The following DIS3L variants were observed in gnomAD, a reference collection of about 807,000 sequenced individuals.
DIS3L encodes the protein DIS3 like exosome 3'-5' exoribonuclease, also known as DIS3-like exonuclease 1.
A neutral mutation model predicts 120.3 loss-of-function variants in DIS3L; 100 were observed. That is an observed-to-expected ratio of 0.83 (90% confidence interval 0.71 to 0.98). The LOEUF (loss-of-function observed/expected upper bound fraction) is 0.98. Among genes scored for constraint, DIS3L ranks in the 50% least tolerant of loss-of-function variants. The pLI, the probability that DIS3L is intolerant of heterozygous loss-of-function variation, is 0.00. For synonymous variants in DIS3L, 426 were observed against 470.6 expected (o/e 0.91, Z 1.23); for missense variants, 1,196 against 1,314.2 (o/e 0.91, Z 1.39).
At chr15:66,299,370 C>T (rs1420262815) in intron 2 of DIS3L, among the ~76,000 whole-genome samples, 1 of 151,938 alleles carries the variant, frequency 6.6e-6, no homozygotes, top group Non-Finnish European at 1.5e-5. Flanking sequence ...ATGGTGAAGC[C>T]CCATCACTAC....
rs547248920 is a variant in DIS3L at position 66,331,625 on chromosome 15, A to G, written c.2536-250A>G. 236 of 297,008 alleles carry G rather than the reference A, an allele frequency of 7.9e-4. 1 individual carries two copies. Among genetic ancestry groups the G allele is most frequent in the African/African-American group, 4.7e-3 (218 of 45,938 alleles). 18.4% of individuals were successfully genotyped at this position (297,008 alleles called of 1,614,324 possible). On this transcript the variant is annotated intron_variant, in intron 14 of 16. Transcript: ENST00000319212. ...CTGTACCCAAGGTGAACATGACCCA[A>G]ATTTGCTGATCTCTAATTTCATGAA...
chr15:66,305,461 A>G (rs1225651596), intron 2 of DIS3L, among the ~76,000 whole-genome samples: 1 of 152,158 alleles, frequency 6.6e-6, no homozygotes, highest in African/African-American at 2.4e-5. Flanking sequence ...TGTGGAAGGA[A>G]GGGTACAAAT....
At chr15:66,295,498 G>A (rs538709188) in intron 2 of DIS3L, among the ~76,000 whole-genome samples, 67 of 152,176 alleles carry the variant, frequency 4.4e-4, no homozygotes, top group Admixed American at 1.4e-3. Context: ...CATTGTTTCA[G>A]AAGCATACGT....
At chr15:66,306,990 C>T in intron 3 of DIS3L, 38 bp downstream of exon 3, 2 of 1,608,262 alleles carry the variant, frequency 1.2e-6, no homozygotes, top group South Asian at 2.2e-5. Context: ...ACACTGTCGT[C>T]TTCTTTCATT....
rs547915454 is a variant in DIS3L at position 66,298,103 on chromosome 15, C to T, written c.293+2962C>T. 2.2e-5 allele frequency among the ~76,000 whole-genome samples: 3 copies of T among 134,530 alleles called. No individual in the cohort carries two copies. In the South Asian group the frequency reaches 7.3e-4, roughly 33 times the overall value. The allele number at this position is 134,530 out of a possible 152,430, so 88.3% of individuals were successfully genotyped here. On this transcript the variant is annotated intron_variant, in intron 2 of 16. Coordinates refer to ENST00000319212, the MANE Select transcript of DIS3L (RefSeq NM_001143688.3). ...CGGAGGCAGGAAAATCGCTTGAACCCGGGAGGCGGAGGTTGTGGTGAGCCG... is the reference window on the plus strand; with the variant it reads ...CGGAGGCAGGAAAATCGCTTGAACCTGGGAGGCGGAGGTTGTGGTGAGCCG...
In DIS3L at chr15:66,333,481, A is replaced by G; in HGVS notation, c.*169A>G. ...CACGGTGGCTCACGCCTGTAACCCC[A>G]GCACTTTGGGAGGCTGAGGCGGGCG... On this transcript the variant is annotated 3_prime_UTR_variant, in exon 17 of 17. Transcript: ENST00000319212. The G allele has an allele frequency of 1.5e-6, 1 of 648,064 alleles. No individual in the cohort carries two copies. The highest frequency in any genetic ancestry group is 2.4e-6 in the Non-Finnish European group (1 of 410,486). 40.1% of individuals were successfully genotyped at this position (648,064 alleles called of 1,614,324 possible).
chr15:66,318,579 C>T lies in DIS3L; in HGVS notation c.1125C>T (p.Pro375=). 5 of 1,613,966 alleles carry T rather than the reference C, an allele frequency of 3.1e-6. No individual in the cohort carries two copies. Among genetic ancestry groups the T allele is most frequent in the Non-Finnish European group, 4.2e-6 (5 of 1,180,016 alleles). ...TTACACCTTGGGATTACAGAATTCC[C>T]AAAATTCGAATTAGCACTCAGCAAG... ...ILVTPWDYRI[P]KIRISTQQAE... is the part of the protein sequence containing the mutation. The change falls in exon 8 of 17, where the codon CCC becomes CCT. Residue 375 remains proline, a synonymous_variant. Transcript: ENST00000319212.
At position 66,293,718 on chromosome 15, in the gene DIS3L, C is replaced by G; in HGVS notation, c.122C>G (p.Pro41Arg). Residue 41 changes from proline to arginine, a missense_variant, in exon 1 of 17, where the codon CCC (proline) becomes CGC (arginine). Pro to Arg is a moderately radical substitution (Grantham distance 103, BLOSUM62 -2). Transcript: ENST00000319212. ...VPCHSPLCPQPAACSHDGKLL... is the reference protein window; with the variant it reads ...VPCHSPLCPQRAACSHDGKLL... The stretch of plus-strand genomic sequence containing the variant: ...TGCCACAGCCCGCTCTGCCCGCAGC[C>G]CGCCGCCTGCAGCCACGGTCAGGGC... The G allele has an allele frequency of 1.5e-6, 2 of 1,316,498 alleles. No homozygotes were observed. The highest frequency in any genetic ancestry group is 1.9e-6 in the Non-Finnish European group (2 of 1,027,658). The allele number at this position is 1,316,498 out of a possible 1,614,324, so 81.6% of individuals were successfully genotyped here. A position where few individuals can be genotyped will look rare whatever the true frequency, so the allele number is the denominator to read the frequency against.
At chr15:66,311,113 C>T (rs930502575) in intron 4 of DIS3L, among the ~76,000 whole-genome samples, 2 of 150,792 alleles carry the variant, frequency 1.3e-5, no homozygotes, top group African/African-American at 4.9e-5. Context: ...AGTGTAATCC[C>T]AGCACTGTGG....
At position 66,295,158 on chromosome 15, in the gene DIS3L, C is replaced by G. The variant is rs373325779; in HGVS notation, c.293+17C>G. ...AGGCAGGAGGTATACGTTTTGCATT[C>G]TTTATTTCTATATGGCATAGGTTCC... is the stretch of plus-strand genomic sequence containing the variant. On this transcript the variant is annotated intron_variant, in intron 2 of 16. Transcript: ENST00000319212. 7 of 1,608,678 alleles carry G rather than the reference C, an allele frequency of 4.4e-6. No individual in the cohort carries two copies. The highest frequency in any genetic ancestry group is 1.3e-5 in the African/African-American group (1 of 74,792).
intron 2 of DIS3L, among the ~76,000 whole-genome samples, chr15:66,304,089 C>CAAAA (rs34711611): frequency 2.8e-5 from 2 of 72,640 alleles, no homozygotes; most frequent in Non-Finnish European, 5.2e-5. Context: ...GACTCTGTTT[C>CAAAA]AAAAAAAAAA....
chr15:66,327,727 G>A (rs2092953816), intron 12 of DIS3L, among the ~76,000 whole-genome samples: 1 of 151,976 alleles, frequency 6.6e-6, no homozygotes, highest in Non-Finnish European at 1.5e-5. Context: ...CTGGGTGACA[G>A]AGCGAGACTC....
intron 1 of DIS3L, 159 bp downstream of exon 1, chr15:66,293,894 C>G (rs2092552935): frequency 1.0e-6 from 1 of 1,002,382 alleles, no homozygotes; most frequent in African/African-American, 1.7e-5. Flanking sequence ...CGGCTCTCTG[C>G]CGGTGGGGAC....
intron 7 of DIS3L, among the ~76,000 whole-genome samples, chr15:66,315,689 A>C (rs1032175923): frequency 3.3e-5 from 5 of 152,186 alleles, no homozygotes; most frequent in Admixed American, 6.5e-5. Flanking sequence ...ATCCTCCCTG[A>C]GTCCCATGTC....
In DIS3L at chr15:66,333,418, TAG is replaced by T; in HGVS notation, c.*107_*108del. 3 of 1,247,704 alleles carry T rather than the reference TAG, an allele frequency of 2.4e-6. No homozygotes were observed. Among genetic ancestry groups the T allele is most frequent in the South Asian group, 1.5e-5 (1 of 65,244 alleles). The allele number at this position is 1,247,704 out of a possible 1,614,324, so 77.3% of individuals were successfully genotyped here. ...AGTGCTCTAGTCGATCAGGACTGGG[TAG>T]CTATTTCGCATATATGTAAAATGTT... is the stretch of plus-strand genomic sequence containing the variant. On this transcript the variant is annotated 3_prime_UTR_variant, in exon 17 of 17. Coordinates refer to ENST00000319212, the MANE Select transcript of DIS3L (RefSeq NM_001143688.3).
chr15:66,331,052 G>A (rs930671772), intron 14 of DIS3L, among the ~76,000 whole-genome samples: 3 of 152,124 alleles, frequency 2.0e-5, no homozygotes, highest in Admixed American at 6.6e-5. Context: ...CTAATCGGGC[G>A]GCTGAGGCAG....
In DIS3L at chr15:66,311,760, G is replaced by A. The variant is rs1385883884; in HGVS notation, c.595G>A (p.Ala199Thr). 6.2e-7 allele frequency: 1 copy of A among 1,614,006 alleles called. No individual in the cohort carries two copies. Among genetic ancestry groups the A allele is most frequent in the Non-Finnish European group, 8.5e-7 (1 of 1,180,010 alleles). ...CAATTTCTGGCCTGATTTAAAAGCT[G>A]CCCACGAGCTTTGTGATTCTATCCT... ...LDNFWPDLKA[A>T]HELCDSILQS... Residue 199 changes from alanine (A) to threonine (T), a missense_variant, in exon 5 of 17, where the codon GCC becomes ACC. Physicochemically the swap from Ala to Thr is moderately conservative, Grantham distance 58. Transcript: ENST00000319212.
At chr15:66,308,147 G>A (rs2092719508) in intron 3 of DIS3L, among the ~76,000 whole-genome samples, 1 of 152,178 alleles carries the variant, frequency 6.6e-6, no homozygotes, top group Non-Finnish European at 1.5e-5. Flanking sequence ...TCCAGCCTGG[G>A]CGACAGAGTA....
intron 11 of DIS3L, 112 bp downstream of exon 11, chr15:66,323,697 G>T: frequency 8.9e-7 from 1 of 1,117,856 alleles, no homozygotes; most frequent in Non-Finnish European, 1.3e-6. Flanking sequence ...CCAGCCCTGT[G>T]TCTCCCCTCT....
Sources: allele counts gnomAD v4.1 joint callset (sites outside exome capture counted in the v4.1 genomes callset), GRCh38; gene constraint gnomAD v4.1.1; transcripts MANE v1.5; gene names NCBI Gene and HGNC (gene_info 2026-07-23, HGNC 2026-07-21).